The following ERP44 variants were observed in gnomAD, a reference collection of about 807,000 sequenced individuals.
The protein encoded by ERP44 is endoplasmic reticulum resident protein 44.
A neutral mutation model predicts 53.4 loss-of-function variants in ERP44; 25 were observed. That is an observed-to-expected ratio of 0.47 (90% confidence interval 0.34 to 0.65). The LOEUF (loss-of-function observed/expected upper bound fraction) is 0.65, where lower values mean the gene tolerates loss of function less well. Among genes scored for constraint, ERP44 ranks in the 30% least tolerant of loss-of-function variants. The pLI, the probability that ERP44 is intolerant of heterozygous loss-of-function variation, is 0.01. For synonymous variants in ERP44, 145 were observed against 161.2 expected (o/e 0.90, Z 0.76); for missense variants, 338 against 493.2 (o/e 0.69, Z 2.98).
intron 8 of ERP44, among the ~76,000 whole-genome samples, chr9:100,014,131 G>A (rs1313237263): frequency 6.6e-6 from 1 of 152,128 alleles, no homozygotes; most frequent in East Asian, 1.9e-4. Context: ...GTAAGTGGGG[G>A]TAATAACTGA....
At chr9:99,988,712 C>A (rs930978519) in intron 10 of ERP44, among the ~76,000 whole-genome samples, 1 of 152,104 alleles carries the variant, frequency 6.6e-6, no homozygotes, top group East Asian at 1.9e-4. Context: ...GAGGGCGAGC[C>A]GAAGCAGGGT....
At chr9:100,090,227 G>A (rs1826536588) in intron 1 of ERP44, among the ~76,000 whole-genome samples, 1 of 152,186 alleles carries the variant, frequency 6.6e-6, no homozygotes, top group Non-Finnish European at 1.5e-5. Flanking sequence ...CATTACAGAA[G>A]TGTAAGCTTA....
At chr9:100,077,679 T>C (rs573526725) in intron 1 of ERP44, among the ~76,000 whole-genome samples, 49 of 152,288 alleles carry the variant, frequency 3.2e-4, no homozygotes, top group African/African-American at 8.4e-4. Context: ...GAAGTTCAGG[T>C]TGCCAGCTGG....
chr9:100,050,553 C>CA (rs1826025923), intron 4 of ERP44, among the ~76,000 whole-genome samples: 1 of 152,084 alleles, frequency 6.6e-6, no homozygotes. Flanking sequence ...AAGAGGTTAA[C>CA]AAAACTACAG....
intron 1 of ERP44, among the ~76,000 whole-genome samples, chr9:100,094,813 A>AG (rs72548315): frequency 6.6e-6 from 1 of 151,392 alleles, no homozygotes; most frequent in Non-Finnish European, 1.5e-5. Context: ...AATTAAAAAA[A>AG]ATTAGCCAGG....
At chr9:100,071,877 C>T (rs575819117) in intron 1 of ERP44, among the ~76,000 whole-genome samples, 11 of 152,232 alleles carry the variant, frequency 7.2e-5, no homozygotes, top group African/African-American at 2.4e-4. Flanking sequence ...GCTGAGATCA[C>T]GCCATTGCAC....
chr9:99,985,820 A>C (rs887112875), intron 10 of ERP44, among the ~76,000 whole-genome samples: 7 of 152,200 alleles, frequency 4.6e-5, no homozygotes, highest in Non-Finnish European at 1.5e-5. Flanking sequence ...AAGATCATTA[A>C]ACTAGCTTTT....
chr9:100,077,302 C>T (rs554706369), intron 1 of ERP44, among the ~76,000 whole-genome samples: 2 of 152,308 alleles, frequency 1.3e-5, no homozygotes, highest in African/African-American at 2.4e-5. Flanking sequence ...GACTCATGCT[C>T]ATGAAATTCA....
At chr9:100,008,732 A>T (rs1419669472) in intron 8 of ERP44, among the ~76,000 whole-genome samples, 3 of 152,052 alleles carry the variant, frequency 2.0e-5, no homozygotes, top group Non-Finnish European at 4.4e-5. Flanking sequence ...TTATTTTTTT[A>T]AAAAACTGAG....
intron 10 of ERP44, among the ~76,000 whole-genome samples, chr9:99,985,760 C>T (rs2118598157): frequency 6.6e-6 from 1 of 152,312 alleles, no homozygotes; most frequent in South Asian, 2.1e-4. Context: ...TCAAACCACA[C>T]ATGCAACTTC....
intron 1 of ERP44, 94 bp downstream of exon 1, chr9:100,098,690 G>A (rs1826693662): frequency 5.6e-6 from 6 of 1,062,474 alleles, no homozygotes; most frequent in South Asian, 1.3e-5. Flanking sequence ...AGGAAAAGAC[G>A]GAAAAGCAGG....
rs201471579 is a variant in ERP44, at chr9:100,093,641, T to TGG, written c.57+5142_57+5143insCC. ...CTGGGCTACACAGCAAGACCCTGTC[T>TGG]GTGGGGGGGGAAAAAAAAAGAACTG... On this transcript the variant is annotated intron_variant, in intron 1 of 11. Transcript: ENST00000262455. 5.4e-5 allele frequency among the ~76,000 whole-genome samples: 8 copies of TGG among 148,908 alleles called. No homozygotes were observed. In the South Asian group the frequency reaches 1.1e-3, roughly 20 times the overall value.
At chr9:100,073,045 T>C (rs1564103550) in intron 1 of ERP44, among the ~76,000 whole-genome samples, 1 of 152,238 alleles carries the variant, frequency 6.6e-6, no homozygotes, top group Non-Finnish European at 1.5e-5. Flanking sequence ...CTTTGGGCTT[T>C]AATGAAGCAG....
At chr9:100,054,267 C>T (rs996012375) in intron 3 of ERP44, among the ~76,000 whole-genome samples, 13 of 152,214 alleles carry the variant, frequency 8.5e-5, no homozygotes, top group African/African-American at 2.7e-4. Flanking sequence ...GGAACTGGAG[C>T]GGCTAGGACC....
rs1235712814 is a variant in ERP44, at chr9:99,981,936, C to G, written c.*676G>C. ...AAAGTTTTAAATGCCATCCATATGCCACATTTTTAGACAAACACAGAAGCT... is the reference window on the plus strand; with the variant it reads ...AAAGTTTTAAATGCCATCCATATGCGACATTTTTAGACAAACACAGAAGCT... On this transcript the variant is annotated 3_prime_UTR_variant, in exon 12 of 12. Coordinates refer to ENST00000262455, the MANE Select transcript of ERP44 (RefSeq NM_015051.3). 6.6e-6 allele frequency: 1 copy of G among 152,268 alleles called. No individual in the cohort carries two copies. Among genetic ancestry groups the G allele is most frequent in the Non-Finnish European group, 1.5e-5 (1 of 68,050 alleles). 9.4% of individuals were successfully genotyped at this position (152,268 alleles called of 1,614,324 possible). A position where few individuals can be genotyped will look rare whatever the true frequency, so the allele number is the denominator to read the frequency against.
chr9:100,026,083 C>T (rs950110454), intron 4 of ERP44, among the ~76,000 whole-genome samples: 30 of 152,148 alleles, frequency 2.0e-4, no homozygotes, highest in Non-Finnish European at 8.8e-5. Context: ...TTATAGGTTT[C>T]CTGTGTAATT....
intron 3 of ERP44, among the ~76,000 whole-genome samples, chr9:100,055,881 A>G (rs1337154073): frequency 6.6e-6 from 1 of 152,238 alleles, no homozygotes; most frequent in Non-Finnish European, 1.5e-5. Context: ...TGCCACATCC[A>G]TAACTTCCAG....
chr9:99,994,953 G>T (rs1031485914), intron 10 of ERP44, among the ~76,000 whole-genome samples: 1 of 152,142 alleles, frequency 6.6e-6, no homozygotes, highest in Middle Eastern at 3.4e-3. Context: ...TGACTGTATC[G>T]AGTGTTGTAA....
chr9:100,070,765 A>T (rs1299839917), intron 1 of ERP44, among the ~76,000 whole-genome samples: 1 of 152,256 alleles, frequency 6.6e-6, no homozygotes, highest in African/African-American at 2.4e-5. Flanking sequence ...AACATCTTGT[A>T]AAATGACACC....
Sources: allele counts gnomAD v4.1 joint callset (sites outside exome capture counted in the v4.1 genomes callset), GRCh38; gene constraint gnomAD v4.1.1; transcripts MANE v1.5; gene names NCBI Gene and HGNC (gene_info 2026-07-23, HGNC 2026-07-21).